Variants in IQSEC1 observed in about 807,000 individuals in gnomAD.
The protein encoded by IQSEC1 is IQ motif and SEC7 domain-containing protein 1.
IQSEC1 carries 31 observed loss-of-function variants against 91.0 expected under a neutral mutation model. That is an observed-to-expected ratio of 0.34 (90% CI 0.26 to 0.46). The LOEUF (loss-of-function observed/expected upper bound fraction) is 0.46. Among genes scored for constraint, IQSEC1 ranks in the 20% least tolerant of loss-of-function variants. IQSEC1 has a pLI of 1.00. For synonymous variants in IQSEC1, 699 were observed against 662.6 expected (o/e 1.05, Z -0.84); for missense variants, 1,388 against 1,575.6 (o/e 0.88, Z 2.02).
At chr3:13,061,757 C>T (rs1239746896) in intron 1 of IQSEC1, among the ~76,000 whole-genome samples, 1 of 152,188 alleles carries the variant, frequency 6.6e-6, no homozygotes, top group Non-Finnish European at 1.5e-5. Flanking sequence ...CCTCTAACTC[C>T]AAGCAAAGCC....
At chr3:13,022,901 C>T (rs931267752) in intron 1 of IQSEC1, among the ~76,000 whole-genome samples, 4 of 152,202 alleles carry the variant, frequency 2.6e-5, no homozygotes, top group African/African-American at 7.2e-5. Context: ...TGATGCTGGG[C>T]GTGGTCAGCC....
intron 1 of IQSEC1, among the ~76,000 whole-genome samples, chr3:12,942,778 G>A (rs986779300): frequency 1.3e-5 from 2 of 152,198 alleles, no homozygotes; most frequent in African/African-American, 2.4e-5. Context: ...CAGGGTCTTT[G>A]TGGACACTGG....
At position 12,977,204 on chromosome 3, in the gene IQSEC1, C is replaced by T. The variant is rs575749284; in HGVS notation, c.24-35339G>A. ...TCTACTAAAAATATAAAAAATTAGC[C>T]GGGTGTGGTGGCACATGCCTGTGGT... is the stretch of plus-strand genomic sequence containing the variant. On this transcript the variant is annotated intron_variant, in intron 1 of 13. Transcript: ENST00000613206. 4.6e-5 allele frequency among the ~76,000 whole-genome samples: 7 copies of T among 151,956 alleles called. No homozygotes were observed. The East Asian group carries it at 1.2e-3, about 25-fold the overall frequency.
chr3:13,118,814 G>A (rs572648533), intron 2 of IQSEC1, among the ~76,000 whole-genome samples: 1 of 152,308 alleles, frequency 6.6e-6, no homozygotes, highest in East Asian at 1.9e-4. Flanking sequence ...GGTGGCTCAT[G>A]CCTGTAATCT....
chr3:13,084,994 A>C (rs1015412258), intron 2 of IQSEC1, among the ~76,000 whole-genome samples: 2 of 152,186 alleles, frequency 1.3e-5, no homozygotes, highest in African/African-American at 4.8e-5. Context: ...CTAGCCCCCA[A>C]GTCCTTGGGT....
chr3:13,019,475 G>C (rs575755446), intron 1 of IQSEC1, among the ~76,000 whole-genome samples: 1 of 152,242 alleles, frequency 6.6e-6, no homozygotes, highest in Non-Finnish European at 1.5e-5. Context: ...TGTGGCCGCC[G>C]GCAGCTCCGC....
intron 1 of IQSEC1, among the ~76,000 whole-genome samples, chr3:13,230,091 CA>C (rs1445237713): frequency 6.6e-6 from 1 of 152,110 alleles, no homozygotes; most frequent in Non-Finnish European, 1.5e-5. Flanking sequence ...CTATCAAGGT[CA>C]AAACACTTTT....
At chr3:12,948,828 A>G (rs1455460497) in intron 1 of IQSEC1, among the ~76,000 whole-genome samples, 1 of 152,198 alleles carries the variant, frequency 6.6e-6, no homozygotes, top group Admixed American at 6.5e-5. Flanking sequence ...ACCCATCCCC[A>G]AGGGCATATG....
chr3:13,035,827 A>G (rs1182451517), intron 1 of IQSEC1, among the ~76,000 whole-genome samples: 3 of 152,218 alleles, frequency 2.0e-5, no homozygotes, highest in Non-Finnish European at 4.4e-5. Flanking sequence ...AGGCCTGGTC[A>G]TAAAAGGTGG....
intron 2 of IQSEC1, among the ~76,000 whole-genome samples, chr3:13,105,640 G>C (rs943768973): frequency 1.3e-5 from 2 of 152,022 alleles, no homozygotes; most frequent in African/African-American, 4.8e-5. Context: ...TCTGTATCAC[G>C]GGCATCTAAG....
intron 1 of IQSEC1, among the ~76,000 whole-genome samples, chr3:13,255,793 T>C (rs527689787): frequency 1.3e-5 from 2 of 152,306 alleles, no homozygotes; most frequent in Admixed American, 1.3e-4. Flanking sequence ...TCAGCCGGCC[T>C]TACAGTGTTT....
intron 2 of IQSEC1, among the ~76,000 whole-genome samples, chr3:13,163,532 A>AT (rs1553570741): frequency 2.0e-5 from 3 of 152,010 alleles, no homozygotes; most frequent in Admixed American, 1.3e-4. Context: ...CTGACACCCC[A>AT]GGTACTGTCT....
At chr3:13,178,563 C>T (rs1048879755) in intron 1 of IQSEC1, among the ~76,000 whole-genome samples, 4 of 152,226 alleles carry the variant, frequency 2.6e-5, no homozygotes, top group African/African-American at 7.2e-5. Flanking sequence ...TTCTCAGCTT[C>T]CCCTTGTCCC....
intron 1 of IQSEC1, among the ~76,000 whole-genome samples, chr3:12,953,296 G>A (rs571571483): frequency 5.3e-5 from 8 of 152,214 alleles, no homozygotes; most frequent in East Asian, 1.9e-4. Flanking sequence ...GACCCGATCC[G>A]CGAGGGACAC....
chr3:13,167,642 G>A (rs2124994154), intron 1 of IQSEC1, among the ~76,000 whole-genome samples: 1 of 152,304 alleles, frequency 6.6e-6, no homozygotes, highest in East Asian at 1.9e-4. Context: ...CCCGGACAAG[G>A]AGAGTCTCTG....
rs146656961 is a variant in IQSEC1 at position 12,935,834 on chromosome 3, C to A, written c.1182G>T (p.Glu394Asp). 30 of 1,608,286 alleles carry A rather than the reference C, an allele frequency of 1.9e-5. No homozygotes were observed. In the African/African-American group the frequency reaches 3.7e-4, roughly 20 times the overall value. Residue 394 changes from glutamate (E) to aspartate (D), a missense_variant, in exon 3 of 14, where the codon GAG becomes GAT. By Grantham distance (45) the Glu-to-Asp change is conservative. This residue lies in a region of IQSEC1 where 1,059 missense variants were observed against 1,317.8 expected (regional missense o/e 0.80). Coordinates refer to ENST00000613206, the MANE Select transcript of IQSEC1 (RefSeq NM_001134382.3). This position sits in a 1 kb window ranked among gnomAD's most constrained non-coding sequence, Gnocchi z 8.0. ...RGSLKRQSAY[E>D]RSLGGQQGSP... ...TGCCCTGCTGCCCGCCAAGGCTGCG[C>A]TCGTAAGCACTCTGCCTCTTGAGTG...
chr3:13,279,254 G>A (rs964419706), intron 1 of IQSEC1, among the ~76,000 whole-genome samples: 3 of 152,186 alleles, frequency 2.0e-5, no homozygotes, highest in African/African-American at 4.8e-5. Flanking sequence ...TGAACCTCTA[G>A]TGAGCAGAGA....
chr3:12,928,295 G>A (rs533034272), intron 3 of IQSEC1, among the ~76,000 whole-genome samples: 3 of 152,342 alleles, frequency 2.0e-5, no homozygotes, highest in Admixed American at 6.5e-5. Context: ...CCAGGATGGC[G>A]TCAGCTTTTA....
chr3:13,125,459 G>A (rs189068191), intron 2 of IQSEC1, among the ~76,000 whole-genome samples: 20 of 152,328 alleles, frequency 1.3e-4, no homozygotes, highest in African/African-American at 3.4e-4. Context: ...GGTCTGTCCC[G>A]GAGCAGGCGG....
Sources: allele counts gnomAD v4.1 joint callset (sites outside exome capture counted in the v4.1 genomes callset), GRCh38; gene constraint gnomAD v4.1.1; regional missense constraint gnomAD v4.1.1; non-coding constraint Gnocchi (gnomAD v3.1); transcripts MANE v1.5; gene names NCBI Gene and HGNC (gene_info 2026-07-23, HGNC 2026-07-21).